Variants in CCNT1 observed in about 807,000 individuals in gnomAD.
The protein encoded by CCNT1 is cyclin-T1.
In CCNT1, 18 loss-of-function variants were observed where a neutral mutation model predicts 67.3. That is an observed-to-expected ratio of 0.27 (90% CI 0.18 to 0.40). CCNT1 has a LOEUF of 0.40. Among genes scored for constraint, CCNT1 ranks in the 10% least tolerant of loss-of-function variants. CCNT1 has a pLI of 1.00. For missense variants in CCNT1, 744 were observed against 884.9 expected (o/e 0.84, Z 2.02); for synonymous variants, 333 against 310.3 (o/e 1.07, Z -0.77).
chr12:48,700,921 C>A lies in CCNT1; in HGVS notation c.433+92G>T, dbSNP rs190038444. On this transcript the variant is annotated intron_variant, in intron 4 of 8. Transcript: ENST00000261900. ...ACAGAGGGACACTACAAAAACTTTC[C>A]CAAGAAATATTCTTCCTATATAGCA... 7.2e-4 allele frequency: 532 copies of A among 737,876 alleles called. 3 individuals are homozygous for A. In the African/African-American group the frequency reaches 8.6e-3, roughly 12 times the overall value. 45.7% of individuals were successfully genotyped at this position (737,876 alleles called of 1,614,324 possible).
intron 2 of CCNT1, among the ~76,000 whole-genome samples, chr12:48,709,881 C>T (rs192016661): frequency 6.6e-6 from 1 of 151,398 alleles, no homozygotes; most frequent in African/African-American, 2.4e-5. Flanking sequence ...ATTATAATAT[C>T]TTTGGGTTTC....
chr12:48,708,953 G>C (rs1940406888), intron 2 of CCNT1, among the ~76,000 whole-genome samples: 1 of 152,086 alleles, frequency 6.6e-6, no homozygotes, highest in South Asian at 2.1e-4. Flanking sequence ...AAATTCACTG[G>C]GCGTGGTGGC....
rs1592116515 is a variant in CCNT1 at position 48,692,909 on chromosome 12, A to G, written c.*124T>C. ...CTACCACCCTCCTAACTATGTCTCA[A>G]TATCAATTTATTCCCTAGTCCAAGG... On this transcript the variant is annotated 3_prime_UTR_variant, in exon 9 of 9. Transcript: ENST00000261900. 10 of 661,038 alleles carry G rather than the reference A, an allele frequency of 1.5e-5. No homozygotes were observed. Among genetic ancestry groups the G allele is most frequent in the East Asian group, 5.5e-5 (2 of 36,638 alleles). 40.9% of individuals were successfully genotyped at this position (661,038 alleles called of 1,614,324 possible). A position where few individuals can be genotyped will look rare whatever the true frequency, so the allele number is the denominator to read the frequency against.
At chr12:48,699,522 T>A (rs1016161462) in intron 5 of CCNT1, among the ~76,000 whole-genome samples, 5 of 152,296 alleles carry the variant, frequency 3.3e-5, no homozygotes, top group Non-Finnish European at 7.4e-5. Flanking sequence ...AAAATTTCTG[T>A]TAAATAACTT....
intron 3 of CCNT1, 121 bp downstream of exon 3, chr12:48,705,647 A>T: frequency 1.3e-6 from 1 of 788,344 alleles, no homozygotes; most frequent in Non-Finnish European, 2.0e-6. Flanking sequence ...AAACTTCAAT[A>T]AATCGAAGTT....
Position 48,700,997 on chromosome 12 carries a change from A to G in CCNT1, c.433+16T>C. The G allele has an allele frequency of 6.9e-7, 1 of 1,442,714 alleles. No individual in the cohort carries two copies. The highest frequency in any genetic ancestry group is 9.5e-7 in the Non-Finnish European group (1 of 1,048,290). The allele number at this position is 1,442,714 out of a possible 1,614,324, so 89.4% of individuals were successfully genotyped here. The stretch of plus-strand genomic sequence containing the variant: ...TGCATAATTTAAAAAAATGTTTCAA[A>G]GGAAAATAAACTTACCTAAAGTCTG... On this transcript the variant is annotated intron_variant, in intron 4 of 8. Coordinates refer to ENST00000261900, the MANE Select transcript of CCNT1 (RefSeq NM_001240.4).
chr12:48,711,152 C>T (rs7303057), intron 2 of CCNT1, among the ~76,000 whole-genome samples: 1,904 of 152,034 alleles, frequency 0.013, 46 homozygotes, highest in African/African-American at 0.044. Context: ...AAGGATGAGG[C>T]GGGCAGATCA....
intron 2 of CCNT1, among the ~76,000 whole-genome samples, chr12:48,707,768 G>A (rs1229590303): frequency 1.3e-5 from 2 of 151,450 alleles, no homozygotes; most frequent in East Asian, 3.9e-4. Context: ...TACATTAAAA[G>A]TTAATTCAGG....
intron 3 of CCNT1, among the ~76,000 whole-genome samples, chr12:48,703,747 C>T (rs946801524): frequency 6.6e-6 from 1 of 151,804 alleles, no homozygotes; most frequent in Non-Finnish European, 1.5e-5. Context: ...GCAGCCTGGG[C>T]AACATGGTGA....
chr12:48,714,288 T>C (rs1940500991), intron 2 of CCNT1, among the ~76,000 whole-genome samples, 155 bp downstream of exon 2: 1 of 152,144 alleles, frequency 6.6e-6, no homozygotes, highest in Non-Finnish European at 1.5e-5. Context: ...ACTGAAAAGC[T>C]GGATTCAGAA....
At chr12:48,715,219 G>A (rs1940516360) in intron 1 of CCNT1, among the ~76,000 whole-genome samples, 1 of 152,162 alleles carries the variant, frequency 6.6e-6, no homozygotes, top group East Asian at 1.9e-4. Flanking sequence ...GGATGCTTAG[G>A]AAACAAACCT....
In CCNT1 at chr12:48,689,337, T is replaced by C. The variant is rs1940035786; in HGVS notation, c.*3696A>G. The C allele has an allele frequency of 6.6e-6, 1 of 152,250 alleles. No individual in the cohort carries two copies. The highest frequency in any genetic ancestry group is 2.4e-5 in the African/African-American group (1 of 41,476). 9.4% of individuals were successfully genotyped at this position (152,250 alleles called of 1,614,324 possible). A position where few individuals can be genotyped will look rare whatever the true frequency, so the allele number is the denominator to read the frequency against. On this transcript the variant is annotated 3_prime_UTR_variant, in exon 9 of 9. Coordinates refer to ENST00000261900, the MANE Select transcript of CCNT1 (RefSeq NM_001240.4). ...ACTACTCTATCAGGCAGGATTACTG[T>C]ACCGTGCTTGTTTCAAACTCACATC...
rs754521618 is a variant in CCNT1, at chr12:48,694,422, G to A, written c.792C>T (p.Ala264=). 2.5e-5 allele frequency: 40 copies of A among 1,611,400 alleles called. No individual in the cohort carries two copies. The highest frequency in any genetic ancestry group is 2.3e-4 in the Admixed American group (14 of 59,932). ...CTCGGTCATCTGCTTTTGTTTTCTT[G>A]GCAGCCTCGCATGCCTGCAATGAAG... ...RIWNWRACEA[A]KKTKADDRGT... Residue 264 remains alanine, a synonymous_variant, in exon 9 of 9, where the codon GCC becomes GCT. Coordinates refer to ENST00000261900, the MANE Select transcript of CCNT1 (RefSeq NM_001240.4).
In CCNT1 at chr12:48,689,669, A is replaced by G. The variant is rs1490471106; in HGVS notation, c.*3364T>C. On this transcript the variant is annotated 3_prime_UTR_variant, in exon 9 of 9. Transcript: ENST00000261900. ...TCAAAATAACTCATAAACAAAAAAA[A>G]TTGTAAATATTAATCAGTTCCCAAA... 1.3e-5 allele frequency: 2 copies of G among 152,230 alleles called. No individual in the cohort carries two copies. The highest frequency in any genetic ancestry group is 2.4e-5 in the African/African-American group (1 of 41,466). 9.4% of individuals were successfully genotyped at this position (152,230 alleles called of 1,614,324 possible).
Position 48,693,400 on chromosome 12 carries a change from G to A in CCNT1, c.1814C>T (p.Pro605Leu). The change falls in exon 9 of 9, where the codon CCT becomes CTT. Residue 605 changes from proline (P) to leucine (L), a missense_variant. Pro to Leu is a moderately conservative substitution (Grantham distance 98). Around this residue, in one of 3 missense-constraint regions of CCNT1, gnomAD observed 564 missense variants for 574.2 expected, o/e 0.98. Coordinates refer to ENST00000261900, the MANE Select transcript of CCNT1 (RefSeq NM_001240.4). ...TKSSSLNFSFPSLPTMGQMPG... is the reference protein window; with the variant it reads ...TKSSSLNFSFLSLPTMGQMPG... ...CATCTGACCCATTGTAGGAAGTGAA[G>A]GGAAGGAGAAATTTAGGGAAGAGGA... 1.2e-6 allele frequency: 2 copies of A among 1,614,196 alleles called. No homozygotes were observed. Among genetic ancestry groups the A allele is most frequent in the Non-Finnish European group, 1.7e-6 (2 of 1,180,038 alleles).
Position 48,693,703 on chromosome 12 carries a change from C to A in CCNT1, c.1511G>T (p.Arg504Leu), listed in dbSNP as rs749756750. The stretch of plus-strand genomic sequence containing the variant: ...AGTCTTGTGCTTTTCTTTGTGCTCT[C>A]GGCTCTTTGTAACACTGTCCTCTAC... The part of the protein sequence containing the change: ...NSVEDSVTKS[R>L]EHKEKHKTHP... The change falls in exon 9 of 9, where the codon CGA becomes CTA. Residue 504 changes from arginine to leucine, a missense_variant. Arg to Leu is a moderately radical substitution (Grantham distance 102). Transcript: ENST00000261900. The A allele has an allele frequency of 6.2e-7, 1 of 1,614,084 alleles. No individual in the cohort carries two copies. The highest frequency in any genetic ancestry group is 8.5e-7 in the Non-Finnish European group (1 of 1,180,034).
chr12:48,703,673 C>T (rs952487825), intron 3 of CCNT1, among the ~76,000 whole-genome samples: 6 of 151,812 alleles, frequency 4.0e-5, no homozygotes, highest in East Asian at 3.9e-4. Context: ...CAGTGGCTCA[C>T]GCCTGTAATC....
chr12:48,699,474 GAATTAA>G (rs1287375636), intron 5 of CCNT1, among the ~76,000 whole-genome samples: 1 of 152,084 alleles, frequency 6.6e-6, no homozygotes, highest in Non-Finnish European at 1.5e-5. Flanking sequence ...ATCAACCCCA[GAATTAA>G]AATAAGATCA....
At chr12:48,701,222 T>A in intron 3 of CCNT1, 149 bp from the exon 4 acceptor site, 2 of 209,466 alleles carry the variant, frequency 9.5e-6, no homozygotes, top group Non-Finnish European at 8.6e-6. Flanking sequence ...ACAATCTTTT[T>A]TTTTTTTTTT....
Sources: gnomAD v4.1 joint callset for allele counts (sites outside exome capture counted in the v4.1 genomes callset) on GRCh38, gnomAD v4.1.1 for gene constraint, gnomAD v4.1.1 regional missense constraint, MANE v1.5 for transcripts, NCBI Gene and HGNC (gene_info 2026-07-23, HGNC 2026-07-21) for gene names.